Variants in RIC3 observed in about 807,000 individuals in gnomAD.
RIC3 encodes RIC3 acetylcholine receptor chaperone, also known as protein RIC-3.
RIC3 carries 28 observed loss-of-function variants against 27.3 expected under a neutral mutation model. The ratio of observed to expected loss-of-function variants is 1.02; its 90% confidence interval spans 0.76 to 1.41. RIC3 has a LOEUF of 1.41. Ranked by LOEUF, RIC3 falls within the 40% of genes most tolerant of loss-of-function variation. The pLI is 0.00. For missense variants in RIC3, 501 were observed against 444.7 expected, an observed-to-expected ratio of 1.13 and a Z score of -1.14; for synonymous variants, 184 against 160.4, an observed-to-expected ratio of 1.15 and a Z score of -1.11.
intron 5 of RIC3, among the ~76,000 whole-genome samples, chr11:8,120,192 A>T (rs1436740467): frequency 6.6e-6 from 1 of 152,260 alleles, no homozygotes; most frequent in Non-Finnish European, 1.5e-5. Context: ...ATTACTGGGT[A>T]TATACCCAAA....
intron 1 of RIC3, 86 bp from the exon 2 acceptor site, chr11:8,140,279 A>C (rs993049907): frequency 3.9e-5 from 48 of 1,231,096 alleles, no homozygotes; most frequent in Non-Finnish European, 5.1e-5. Context: ...GGTATAAAAG[A>C]GGCCAACACA....
intron 1 of RIC3, chr11:8,153,518 C>A: frequency 2.6e-6 from 1 of 391,050 alleles, no homozygotes; most frequent in Non-Finnish European, 5.0e-6. Flanking sequence ...GCCTTAATCT[C>A]TATGGCACAT....
At chr11:8,163,194 A>G (rs967424676) in intron 1 of RIC3, among the ~76,000 whole-genome samples, 1 of 152,114 alleles carries the variant, frequency 6.6e-6, no homozygotes, top group Non-Finnish European at 1.5e-5. Context: ...TAATCATCTC[A>G]TAATCATCTC....
At chr11:8,137,289 G>A (rs1183386942) in intron 4 of RIC3, 89 bp downstream of exon 4, 15 of 1,137,742 alleles carry the variant, frequency 1.3e-5, no homozygotes, top group African/African-American at 6.2e-5. Context: ...CTCCCAAAGT[G>A]CTGGGATTAG....
chr11:8,159,853 G>C lies in RIC3; in HGVS notation c.124+9013C>G, dbSNP rs1014611205. ...TAAAAATACAAAAAAAATTAGCCAGGCGTGGTGGTGGATGCCTGTAATCCC... is the reference window on the plus strand; with the variant it reads ...TAAAAATACAAAAAAAATTAGCCAGCCGTGGTGGTGGATGCCTGTAATCCC... On this transcript the variant is annotated intron_variant, in intron 1 of 5. Transcript: ENST00000309737. Among the ~76,000 whole-genome samples the C allele has an allele frequency of 4.6e-5, 7 of 152,126 alleles. No homozygotes were observed. In the East Asian group the frequency reaches 1.2e-3, roughly 25 times the overall value.
chr11:8,100,630 T>G, the RIC3 span: 11 of 1,599,394 alleles, frequency 6.9e-6, no homozygotes, highest in Admixed American at 1.8e-4. Context: ...CTCCCCTCTT[T>G]CCCCATCATC....
chr11:8,116,732 A>G (rs1477680926), intron 5 of RIC3, among the ~76,000 whole-genome samples: 1 of 152,240 alleles, frequency 6.6e-6, no homozygotes. Context: ...TAGAATGGCT[A>G]TTATCAAAAA....
intron 1 of RIC3, among the ~76,000 whole-genome samples, chr11:8,143,039 GATCT>G (rs1565070641): frequency 1.8e-5 from 2 of 108,122 alleles, no homozygotes; most frequent in Non-Finnish European, 3.4e-5. Flanking sequence ...AAAATAATAA[GATCT>G]ATCTATGACA....
At chr11:8,164,794 A>G (rs1277053399) in intron 1 of RIC3, among the ~76,000 whole-genome samples, 1 of 74,192 alleles carries the variant, frequency 1.3e-5, no homozygotes, top group African/African-American at 6.1e-5. Context: ...AAAAAAAAAA[A>G]AAAAAAAAAA....
At chr11:8,093,965 TG>T in the RIC3 span, 1 of 1,567,976 alleles carries the variant, frequency 6.4e-7, no homozygotes, top group Non-Finnish European at 8.8e-7. Context: ...AATGCTGTGC[TG>T]GGGACTGTGT....
chr11:8,101,033 G>A, the RIC3 span: 7 of 1,612,184 alleles, frequency 4.3e-6, no homozygotes, highest in Non-Finnish European at 5.9e-6. Context: ...ATGGTCCGTA[G>A]GATACCCAAG....
intron 1 of RIC3, among the ~76,000 whole-genome samples, chr11:8,164,603 C>G (rs1280144834): frequency 6.6e-6 from 1 of 151,778 alleles, no homozygotes; most frequent in African/African-American, 2.4e-5. Context: ...TAGTGAGAGC[C>G]TCATTTCTGC....
intron 2 of RIC3, chr11:8,138,887 G>A: frequency 5.1e-6 from 1 of 197,124 alleles, no homozygotes; most frequent in Non-Finnish European, 1.0e-5. Context: ...TAAGTCGCTA[G>A]CCAATCAGCA....
At chr11:8,151,585 CAA>C (rs60087055) in intron 1 of RIC3, among the ~76,000 whole-genome samples, 2 of 61,660 alleles carry the variant, frequency 3.2e-5, no homozygotes. Flanking sequence ...AACTCCGTCT[CAA>C]AAAAAAAAAA....
At chr11:8,152,340 G>A (rs940115422) in intron 1 of RIC3, among the ~76,000 whole-genome samples, 3 of 152,108 alleles carry the variant, frequency 2.0e-5, no homozygotes, top group Non-Finnish European at 4.4e-5. Context: ...CTTATGAATA[G>A]ATCAACAAAA....
chr11:8,159,296 T>C (rs948155668), intron 1 of RIC3, among the ~76,000 whole-genome samples: 2 of 152,128 alleles, frequency 1.3e-5, no homozygotes, highest in Admixed American at 6.6e-5. Context: ...GCTTGGCATA[T>C]TCAAGGAACA....
At chr11:8,130,873 C>G (rs759739075) in intron 4 of RIC3, among the ~76,000 whole-genome samples, 1 of 151,978 alleles carries the variant, frequency 6.6e-6, no homozygotes, top group Non-Finnish European at 1.5e-5. Context: ...GGCTGGACCA[C>G]AGAGAGAGTG....
chr11:8,134,002 ATTT>A (rs995684318), intron 4 of RIC3, among the ~76,000 whole-genome samples: 1 of 150,082 alleles, frequency 6.7e-6, no homozygotes, highest in African/African-American at 2.4e-5. Context: ...TAATATATAT[ATTT>A]TTTATTATAC....
the RIC3 span, chr11:8,099,017 T>C: frequency 1.4e-6 from 1 of 693,268 alleles, no homozygotes; most frequent in East Asian, 2.5e-5. Flanking sequence ...GGAGTGTTCC[T>C]GGCCTAGGAC....
Sources: gnomAD v4.1 joint callset for allele counts (sites outside exome capture counted in the v4.1 genomes callset) on GRCh38, gnomAD v4.1.1 for gene constraint, MANE v1.5 for transcripts, NCBI Gene and HGNC (gene_info 2026-07-23, HGNC 2026-07-21) for gene names.